The following MFSD6 variants were observed in gnomAD, a reference collection of about 807,000 sequenced individuals.
MFSD6 encodes major facilitator superfamily domain containing 6, also known as major facilitator superfamily domain-containing protein 6.
MFSD6 carries 26 observed loss-of-function variants against 56.3 expected under a neutral mutation model. That is an observed-to-expected ratio of 0.46 (90% confidence interval 0.34 to 0.64). MFSD6 has a LOEUF of 0.64. Among genes scored for constraint, MFSD6 ranks in the 30% least tolerant of loss-of-function variants. MFSD6 has a pLI of 0.01. For missense variants in MFSD6, 750 were observed against 986.2 expected (o/e 0.76, Z 3.21); for synonymous variants, 331 against 366.9 (o/e 0.90, Z 1.12).
chr2:190,421,932 A>G (rs6708018), intron 2 of MFSD6, among the ~76,000 whole-genome samples: 116,007 of 151,878 alleles, frequency 0.76, 45,083 homozygotes, highest in East Asian at 0.89. Context: ...AGAAGAAACC[A>G]AGTTAACTCT....
chr2:190,409,554 T>C (rs1690468606), intron 1 of MFSD6, among the ~76,000 whole-genome samples: 1 of 152,200 alleles, frequency 6.6e-6, no homozygotes, highest in South Asian at 2.1e-4. Context: ...TTGGATATTA[T>C]AGTGGCCAAA....
In MFSD6 at chr2:190,465,561, G is replaced by T. The variant is rs1468751330; in HGVS notation, c.1533-4197G>T. ...ATATGCTCATATTCAGCATAAAAAA[G>T]AATTTGATTGTCTAGAAAATGATCC... is the stretch of plus-strand genomic sequence containing the variant. On this transcript the variant is annotated intron_variant, in intron 3 of 7. Coordinates refer to ENST00000392328, the MANE Select transcript of MFSD6 (RefSeq NM_017694.4). The surrounding 1 kb of genome is among the most constrained non-coding windows in gnomAD (Gnocchi z 4.6). Among the ~76,000 whole-genome samples the T allele has an allele frequency of 1.3e-5, 2 of 151,970 alleles. No homozygotes were observed. The highest frequency in any genetic ancestry group is 2.4e-5 in the African/African-American group (1 of 41,360).
At chr2:190,421,718 G>A (rs970003734) in intron 2 of MFSD6, among the ~76,000 whole-genome samples, 1 of 144,466 alleles carries the variant, frequency 6.9e-6, no homozygotes, top group South Asian at 2.2e-4. Context: ...ACCATACCTG[G>A]CTAACTTAAA....
rs1180943618 is a variant in MFSD6 at position 190,431,495 on chromosome 2, G to A, written c.-53-4482G>A. On this transcript the variant is annotated intron_variant, in intron 2 of 7. Coordinates refer to ENST00000392328, the MANE Select transcript of MFSD6 (RefSeq NM_017694.4). The surrounding 1 kb of genome is among the most constrained non-coding windows in gnomAD (Gnocchi z 4.4). ...AGGCTGGCGGATCACTCGCGATTAGGAGCTGGAGACTAGCCCGGCCAACAC... is the reference window on the plus strand; with the variant it reads ...AGGCTGGCGGATCACTCGCGATTAGAAGCTGGAGACTAGCCCGGCCAACAC... Among the ~76,000 whole-genome samples, 2 of 152,222 alleles carry A rather than the reference G, an allele frequency of 1.3e-5. No individual in the cohort carries two copies. Among genetic ancestry groups the A allele is most frequent in the Non-Finnish European group, 2.9e-5 (2 of 68,032 alleles).
rs553181934 is a variant in MFSD6 at position 190,413,914 on chromosome 2, G to C, written c.-175-1378G>C. On this transcript the variant is annotated intron_variant, in intron 1 of 7. Coordinates refer to ENST00000392328, the MANE Select transcript of MFSD6 (RefSeq NM_017694.4). The surrounding 1 kb of genome is among the most constrained non-coding windows in gnomAD (Gnocchi z 4.1). ...GGAGCAGTGGCAGGAGTGGGTCCCT[G>C]TGAGTCACGCTGGGAATTCTTAACT... Among the ~76,000 whole-genome samples the C allele has an allele frequency of 6.6e-6, 1 of 152,340 alleles. No individual in the cohort carries two copies. Among genetic ancestry groups the C allele is most frequent in the African/African-American group, 2.4e-5 (1 of 41,570 alleles).
In MFSD6 at chr2:190,411,557, G is replaced by A. The variant is rs1021727035; in HGVS notation, c.-176+3054G>A. The A allele has an allele frequency of 3.1e-6, 3 of 983,136 alleles. No homozygotes were observed. The African/African-American group carries it at 5.3e-5, about 17-fold the overall frequency. 60.9% of individuals were successfully genotyped at this position (983,136 alleles called of 1,614,324 possible). The stretch of plus-strand genomic sequence containing the variant: ...TGTTTGGGCTTAAAATTTTGTTTTT[G>A]GAACAAGCATGTGTTCTCTTATTAT... On this transcript the variant is annotated intron_variant, in intron 1 of 7. Transcript: ENST00000392328.
chr2:190,448,449 T>C (rs1437390248), intron 3 of MFSD6, among the ~76,000 whole-genome samples: 1 of 152,176 alleles, frequency 6.6e-6, no homozygotes, highest in Non-Finnish European at 1.5e-5. Flanking sequence ...TTCAATATGG[T>C]ATAGTCATAA....
chr2:190,431,032 G>A lies in MFSD6; in HGVS notation c.-53-4945G>A, dbSNP rs1456673959. 8.6e-6 allele frequency among the ~76,000 whole-genome samples: 1 copy of A among 116,030 alleles called. No homozygotes were observed. Among genetic ancestry groups the A allele is most frequent in the Admixed American group, 8.6e-5 (1 of 11,606 alleles). The allele number at this position is 116,030 out of a possible 152,430, so 76.1% of individuals were successfully genotyped here. On this transcript the variant is annotated intron_variant, in intron 2 of 7. Coordinates refer to ENST00000392328, the MANE Select transcript of MFSD6 (RefSeq NM_017694.4). This position sits in a 1 kb window ranked among gnomAD's most constrained non-coding sequence, Gnocchi z 4.4. ...CGCTCCTCACCTCCCAGACGGGGTC[G>A]CGGCCGGGCAGAGGCGCTCCTCACC...
At position 190,476,876 on chromosome 2, in the gene MFSD6, A is replaced by C. The variant is rs535522248; in HGVS notation, c.1630+7021A>C. 5.9e-5 allele frequency among the ~76,000 whole-genome samples: 9 copies of C among 152,258 alleles called. No homozygotes were observed. In the East Asian group the frequency reaches 1.7e-3, roughly 29 times the overall value. On this transcript the variant is annotated intron_variant, in intron 4 of 7. Coordinates refer to ENST00000392328, the MANE Select transcript of MFSD6 (RefSeq NM_017694.4). ...ACACCATGGAGTACTATGCAGCCAT[A>C]AAAAATGATGAGTTCATGTCCTTTG...
rs1273962938 is a variant in MFSD6 at position 190,498,392 on chromosome 2, G to A, written c.2172+673G>A. Among the ~76,000 whole-genome samples the A allele has an allele frequency of 2.6e-5, 4 of 152,122 alleles. No homozygotes were observed. The highest frequency in any genetic ancestry group is 5.9e-5 in the Non-Finnish European group (4 of 68,012). On this transcript the variant is annotated intron_variant, in intron 7 of 7. Coordinates refer to ENST00000392328, the MANE Select transcript of MFSD6 (RefSeq NM_017694.4). This position sits in a 1 kb window ranked among gnomAD's most constrained non-coding sequence, Gnocchi z 5.9. ...CACTCCCTTTTATTTGATAAGTCAC[G>A]TCAGCTTTGTCTGGAGTAGCTTCAG...
In MFSD6 at chr2:190,410,913, G is replaced by A. The variant is rs751589373; in HGVS notation, c.-176+2410G>A. Among the ~76,000 whole-genome samples the A allele has an allele frequency of 6.6e-6, 1 of 151,856 alleles. No individual in the cohort carries two copies. The highest frequency in any genetic ancestry group is 2.4e-5 in the African/African-American group (1 of 41,370). On this transcript the variant is annotated intron_variant, in intron 1 of 7. Coordinates refer to ENST00000392328, the MANE Select transcript of MFSD6 (RefSeq NM_017694.4). This position sits in a 1 kb window ranked among gnomAD's most constrained non-coding sequence, Gnocchi z 4.4. ...TGTAATAAAAATACAAAAATTAGCT[G>A]AGCGTGGTGGCGGGCGCCTGGAATC...
intron 2 of MFSD6, among the ~76,000 whole-genome samples, chr2:190,427,577 A>C (rs1427185288): frequency 2.4e-4 from 36 of 152,170 alleles, no homozygotes; most frequent in Admixed American, 2.4e-3. Context: ...TTGGGTACCA[A>C]GGTCCATAGC....
In MFSD6 at chr2:190,437,080, A is replaced by G. The variant is rs1686201600; in HGVS notation, c.1051A>G (p.Ile351Val). 1.9e-6 allele frequency: 3 copies of G among 1,614,112 alleles called. No homozygotes were observed. Among genetic ancestry groups the G allele is most frequent in the African/African-American group, 1.3e-5 (1 of 74,930 alleles). ...SVGIGIDYTH[I>V]EVLIDGKGCK... ...GGGCATCGGGATCGACTACACCCAC[A>G]TCGAAGTGCTCATCGATGGAAAGGG... is the stretch of plus-strand genomic sequence containing the variant. Residue 351 changes from isoleucine to valine, a missense_variant, in exon 3 of 8, where the codon ATC (isoleucine) becomes GTC (valine). By Grantham distance (29) the Ile-to-Val change is conservative. This residue lies in a region of MFSD6 where 376 missense variants were observed against 437.9 expected (regional missense o/e 0.86). Coordinates refer to ENST00000392328, the MANE Select transcript of MFSD6 (RefSeq NM_017694.4). The surrounding 1 kb of genome is among the most constrained non-coding windows in gnomAD (Gnocchi z 5.9).
chr2:190,464,494 T>C (rs555879651), intron 3 of MFSD6, among the ~76,000 whole-genome samples: 1 of 152,302 alleles, frequency 6.6e-6, no homozygotes, highest in Non-Finnish European at 1.5e-5. Flanking sequence ...AAAGTTCACT[T>C]CTTTCTTCAA....
intron 4 of MFSD6, among the ~76,000 whole-genome samples, chr2:190,473,580 T>G (rs867938356): frequency 1.3e-5 from 2 of 152,080 alleles, no homozygotes; most frequent in Non-Finnish European, 2.9e-5. Context: ...AGCAAGTCCT[T>G]AGAGACCTAC....
At chr2:190,430,513 G>C (rs1685934950) in intron 2 of MFSD6, among the ~76,000 whole-genome samples, 2 of 151,950 alleles carry the variant, frequency 1.3e-5, no homozygotes, top group East Asian at 3.9e-4. Context: ...AGAGAGCACA[G>C]GGTTGGGGGT....
At chr2:190,435,274 A>G (rs143205921) in intron 2 of MFSD6, 2 of 152,366 alleles carry the variant, frequency 1.3e-5, no homozygotes, top group Admixed American at 1.3e-4. Flanking sequence ...TGTGATGAAT[A>G]TGAATGAATA....
Position 190,457,237 on chromosome 2 carries a change from G to A in MFSD6, c.1533-12521G>A, listed in dbSNP as rs1267881036. Among the ~76,000 whole-genome samples the A allele has an allele frequency of 6.6e-6, 1 of 152,154 alleles. No homozygotes were observed. Among genetic ancestry groups the A allele is most frequent in the Non-Finnish European group, 1.5e-5 (1 of 68,034 alleles). ...GGACCTTGACTTCCACTGGCCAACC[G>A]ACTTTGTGGCCCCGGTCCACCCCTG... On this transcript the variant is annotated intron_variant, in intron 3 of 7. Transcript: ENST00000392328. The surrounding 1 kb of genome is among the most constrained non-coding windows in gnomAD (Gnocchi z 5.1).
In MFSD6 at chr2:190,469,026, C is replaced by A. The variant is rs559705387; in HGVS notation, c.1533-732C>A. On this transcript the variant is annotated intron_variant, in intron 3 of 7. Transcript: ENST00000392328. This position sits in a 1 kb window ranked among gnomAD's most constrained non-coding sequence, Gnocchi z 5.3. Reference sequence around the variant, plus strand: ...ACTGAAACCTTATGCTTGGGTGCACCACTTCAGGCCTTTGCTTATTTTCTT... The same window carrying A: ...ACTGAAACCTTATGCTTGGGTGCACAACTTCAGGCCTTTGCTTATTTTCTT... Among the ~76,000 whole-genome samples the A allele has an allele frequency of 6.6e-6, 1 of 152,186 alleles. No homozygotes were observed. The highest frequency in any genetic ancestry group is 2.1e-4 in the South Asian group (1 of 4,808).
Sources: allele counts gnomAD v4.1 joint callset (sites outside exome capture counted in the v4.1 genomes callset), GRCh38; gene constraint gnomAD v4.1.1; regional missense constraint gnomAD v4.1.1; non-coding constraint Gnocchi (gnomAD v3.1); transcripts MANE v1.5; gene names NCBI Gene and HGNC (gene_info 2026-07-23, HGNC 2026-07-21).